PRKG1: variants seen among roughly 807,000 people sequenced by gnomAD.
The protein encoded by PRKG1 is protein kinase cGMP-dependent 1.
In PRKG1, 35 loss-of-function variants were observed where a neutral mutation model predicts 88.1. That is an observed-to-expected ratio of 0.40 (90% CI 0.30 to 0.53). The LOEUF (loss-of-function observed/expected upper bound fraction) is 0.53, where lower values mean the gene tolerates loss of function less well. PRKG1 is among the 20% of genes least tolerant of loss of function. The pLI is 0.59. For missense variants in PRKG1, 540 were observed against 839.8 expected (o/e 0.64, Z 4.41); for synonymous variants, 303 against 292.5 (o/e 1.04, Z -0.37).
intron 3 of PRKG1, among the ~76,000 whole-genome samples, chr10:51,620,067 G>A (rs1047452963): frequency 6.6e-6 from 1 of 152,100 alleles, no homozygotes; most frequent in South Asian, 2.1e-4. Context: ...TGTTGTGTTT[G>A]GTAGATGCTG....
chr10:51,857,977 T>G (rs1005074961), intron 4 of PRKG1, among the ~76,000 whole-genome samples: 1 of 147,462 alleles, frequency 6.8e-6, no homozygotes. Flanking sequence ...ATGTTGTTTT[T>G]AACACTGGTC....
chr10:51,390,789 C>T (rs546491893), intron 2 of PRKG1, among the ~76,000 whole-genome samples: 3 of 152,206 alleles, frequency 2.0e-5, no homozygotes, highest in East Asian at 3.9e-4. Context: ...ATAATTTTGC[C>T]TCGAGGGAAC....
chr10:51,758,675 A>ATT (rs1010214686), intron 3 of PRKG1, among the ~76,000 whole-genome samples: 6 of 150,114 alleles, frequency 4.0e-5, no homozygotes, highest in African/African-American at 1.5e-4. Context: ...CAGGCCTGTG[A>ATT]TTTTTTTTTT....
chr10:52,262,159 A>G (rs1213360486), intron 10 of PRKG1, among the ~76,000 whole-genome samples: 2 of 152,174 alleles, frequency 1.3e-5, no homozygotes, highest in Non-Finnish European at 2.9e-5. Context: ...AAATCATAGT[A>G]GTAATGATCA....
At chr10:52,248,495 C>A (rs1438520202) in intron 9 of PRKG1, among the ~76,000 whole-genome samples, 2 of 152,056 alleles carry the variant, frequency 1.3e-5, no homozygotes, top group Non-Finnish European at 2.9e-5. Flanking sequence ...TGTATCTTAC[C>A]AATAAGATAA....
At chr10:51,518,342 A>G (rs1429785996) in intron 3 of PRKG1, among the ~76,000 whole-genome samples, 3 of 152,102 alleles carry the variant, frequency 2.0e-5, no homozygotes. Flanking sequence ...ATGGCCTAAG[A>G]TTCTTCTAAT....
At chr10:51,613,061 T>C (rs1282951982) in intron 3 of PRKG1, among the ~76,000 whole-genome samples, 2 of 151,868 alleles carry the variant, frequency 1.3e-5, no homozygotes, top group Non-Finnish European at 3.0e-5. Context: ...TTCATTACGG[T>C]ATTGGCCTGT....
intron 2 of PRKG1, among the ~76,000 whole-genome samples, chr10:51,176,967 A>G (rs142962803): frequency 4.0e-5 from 6 of 150,792 alleles, no homozygotes; most frequent in Admixed American, 3.9e-4. Context: ...TGTGGCATCA[A>G]ATAAGTCATT....
chr10:51,087,739 A>G (rs1844290679), intron 1 of PRKG1, among the ~76,000 whole-genome samples: 1 of 152,088 alleles, frequency 6.6e-6, no homozygotes, highest in African/African-American at 2.4e-5. Context: ...ATAATACTGT[A>G]TTGCTACTAT....
intron 3 of PRKG1, among the ~76,000 whole-genome samples, chr10:51,630,764 C>T (rs1051716511): frequency 5.9e-5 from 9 of 152,156 alleles, no homozygotes; most frequent in Admixed American, 6.5e-5. Context: ...TGCTATCTTT[C>T]GAACTGCAGC....
At chr10:51,386,555 G>A (rs1837253628) in intron 2 of PRKG1, among the ~76,000 whole-genome samples, 1 of 152,146 alleles carries the variant, frequency 6.6e-6, no homozygotes, top group African/African-American at 2.4e-5. Context: ...CAGTCAAGCA[G>A]GAGGAATTTC....
chr10:51,912,537 A>G (rs1178418348), intron 5 of PRKG1, among the ~76,000 whole-genome samples: 1 of 152,182 alleles, frequency 6.6e-6, no homozygotes, highest in Non-Finnish European at 1.5e-5. Flanking sequence ...TTGTAAAACA[A>G]TACTTCCAGC....
intron 3 of PRKG1, among the ~76,000 whole-genome samples, chr10:51,478,143 G>A (rs900635839): frequency 4.6e-5 from 7 of 152,092 alleles, no homozygotes; most frequent in African/African-American, 1.7e-4. Flanking sequence ...TTTTGAGTCT[G>A]TGTGTACACA....
chr10:52,170,513 C>T (rs752679765), intron 9 of PRKG1, among the ~76,000 whole-genome samples: 8 of 152,078 alleles, frequency 5.3e-5, no homozygotes, highest in Non-Finnish European at 1.0e-4. Flanking sequence ...GGCTGGCTCT[C>T]GCTTATTGCC....
chr10:52,127,674 G>C (rs1324905585), intron 7 of PRKG1, among the ~76,000 whole-genome samples: 6 of 152,166 alleles, frequency 3.9e-5, no homozygotes, highest in Non-Finnish European at 8.8e-5. Context: ...GTCCTAAAGT[G>C]ATGATGATCG....
intron 2 of PRKG1, among the ~76,000 whole-genome samples, chr10:51,239,159 C>G (rs940477243): frequency 4.6e-5 from 7 of 152,224 alleles, no homozygotes; most frequent in Non-Finnish European, 8.8e-5. Context: ...CTGTTCTTAG[C>G]TAAATATCAG....
At chr10:52,022,704 A>G (rs1845218219) in intron 5 of PRKG1, among the ~76,000 whole-genome samples, 1 of 152,184 alleles carries the variant, frequency 6.6e-6, no homozygotes, top group African/African-American at 2.4e-5. Flanking sequence ...TAGAAAAAGA[A>G]TAATAATCCA....
intron 9 of PRKG1, among the ~76,000 whole-genome samples, chr10:52,218,884 A>G (rs752188756): frequency 2.0e-5 from 3 of 152,174 alleles, no homozygotes; most frequent in African/African-American, 4.8e-5. Context: ...TAACCATAAT[A>G]TAATGTTAAT....
At chr10:51,841,224 G>A (rs902933017) in intron 4 of PRKG1, among the ~76,000 whole-genome samples, 1 of 152,136 alleles carries the variant, frequency 6.6e-6, no homozygotes, top group African/African-American at 2.4e-5. Context: ...TGATTCCTGT[G>A]TGATTTAGTT....
Sources: gnomAD v4.1 joint callset for allele counts (sites outside exome capture counted in the v4.1 genomes callset) on GRCh38, gnomAD v4.1.1 for gene constraint, MANE v1.5 for transcripts, NCBI Gene and HGNC (gene_info 2026-07-23, HGNC 2026-07-21) for gene names.